The following RGS22 variants were observed in gnomAD, a reference collection of about 807,000 sequenced individuals.
RGS22 encodes the protein regulator of G-protein signaling 22.
A neutral mutation model predicts 172.9 loss-of-function variants in RGS22; 148 were observed. The observed-to-expected ratio is 0.86, with a 90% CI of 0.75 to 0.98. The LOEUF is 0.98. Among genes scored for constraint, RGS22 ranks in the 50% least tolerant of loss-of-function variants. The pLI is 0.00. For missense variants in RGS22, 1,347 were observed against 1,440.8 expected (o/e 0.93, Z 1.05); for synonymous variants, 458 against 480.2 (o/e 0.95, Z 0.60).
intron 23 of RGS22, among the ~76,000 whole-genome samples, chr8:99,970,605 A>G (rs113499143): frequency 0.088 from 13,450 of 152,266 alleles, 748 homozygotes; most frequent in African/African-American, 0.15. Flanking sequence ...AAATACCTCT[A>G]TGCAAATAAA....
Position 100,071,557 on chromosome 8 carries a change from C to T in RGS22, c.426-20G>A, listed in dbSNP as rs745779551. On this transcript the variant is annotated intron_variant, in intron 5 of 27. Coordinates refer to ENST00000360863, the MANE Select transcript of RGS22 (RefSeq NM_015668.5). The stretch of plus-strand genomic sequence containing the variant: ...GCTAACCTGCATTTTAGAAATCATA[C>T]AAATTTAAAACAAGTTTCAAATATG... 3.8e-5 allele frequency: 60 copies of T among 1,576,600 alleles called. 2 individuals carry two copies. In the South Asian group the frequency reaches 6.8e-4, roughly 18 times the overall value.
At chr8:99,976,463 G>A (rs1811953105) in intron 23 of RGS22, among the ~76,000 whole-genome samples, 2 of 152,070 alleles carry the variant, frequency 1.3e-5, no homozygotes, top group African/African-American at 2.4e-5. Flanking sequence ...CCGGGTTCAC[G>A]CCATTCTCCT....
chr8:100,070,275 A>G (rs1214294344), intron 6 of RGS22, among the ~76,000 whole-genome samples: 3 of 152,200 alleles, frequency 2.0e-5, no homozygotes, highest in Non-Finnish European at 1.5e-5. Context: ...TAAAATTTTT[A>G]TCAATCCTTT....
intron 14 of RGS22, among the ~76,000 whole-genome samples, chr8:100,031,982 C>T (rs1424783678): frequency 6.6e-6 from 1 of 152,022 alleles, no homozygotes; most frequent in African/African-American, 2.4e-5. Context: ...GATTTTGTCA[C>T]CACCAGGCCT....
At chr8:100,063,364 A>C (rs1054708007) in intron 8 of RGS22, 52 bp downstream of exon 8, 1 of 1,337,218 alleles carries the variant, frequency 7.5e-7, no homozygotes, top group African/African-American at 1.5e-5. Flanking sequence ...AACCCAAATT[A>C]ATATTCATAA....
chr8:100,012,006 A>G (rs1280624581), intron 14 of RGS22, among the ~76,000 whole-genome samples: 1 of 152,106 alleles, frequency 6.6e-6, no homozygotes, highest in Non-Finnish European at 1.5e-5. Flanking sequence ...CAGAGAGATA[A>G]GAGGTAAACC....
intron 23 of RGS22, among the ~76,000 whole-genome samples, chr8:99,969,305 C>T (rs1428496089): frequency 6.6e-6 from 1 of 152,130 alleles, no homozygotes; most frequent in African/African-American, 2.4e-5. Context: ...ATGGAAAGAC[C>T]AATGACACTA....
intron 6 of RGS22, among the ~76,000 whole-genome samples, chr8:100,067,721 T>A (rs1050062908): frequency 1.3e-5 from 2 of 149,464 alleles, no homozygotes; most frequent in African/African-American, 4.9e-5. Flanking sequence ...GCCTACTGGG[T>A]TCAAGCAATT....
intron 14 of RGS22, among the ~76,000 whole-genome samples, chr8:100,025,521 G>A (rs1489415827): frequency 6.6e-6 from 1 of 152,292 alleles, no homozygotes; most frequent in South Asian, 2.1e-4. Context: ...CTGCTGAATA[G>A]AGAAATAATG....
intron 2 of RGS22, among the ~76,000 whole-genome samples, chr8:100,104,324 A>ATG (rs1461195510): frequency 5.9e-5 from 7 of 119,442 alleles, no homozygotes; most frequent in African/African-American, 1.8e-4. Context: ...GTCTCAAAAT[A>ATG]TGTGCGTGTG....
intron 3 of RGS22, among the ~76,000 whole-genome samples, chr8:100,082,389 C>G (rs945968937): frequency 6.6e-6 from 1 of 152,182 alleles, no homozygotes; most frequent in Admixed American, 6.5e-5. Flanking sequence ...TCTCCATCCT[C>G]AAGTAGGCCC....
At chr8:99,979,133 C>T (rs973965352) in intron 22 of RGS22, among the ~76,000 whole-genome samples, 2 of 151,974 alleles carry the variant, frequency 1.3e-5, no homozygotes, top group Admixed American at 6.6e-5. Context: ...TTACATTTAC[C>T]TGCCATACAT....
At chr8:99,973,869 A>G (rs1474182413) in intron 23 of RGS22, among the ~76,000 whole-genome samples, 1 of 116,872 alleles carries the variant, frequency 8.6e-6, no homozygotes, top group Non-Finnish European at 1.8e-5. Context: ...ACTCCATCTC[A>G]AAAAAAAAAA....
intron 22 of RGS22, among the ~76,000 whole-genome samples, chr8:99,980,231 A>G (rs6468702): frequency 1 from 151,952 of 152,274 alleles, 75,821 homozygotes; most frequent in Middle Eastern, 1. Flanking sequence ...AGTGTGCTGC[A>G]CCGGAATTGA....
intron 12 of RGS22, 70 bp downstream of exon 12, chr8:100,041,732 T>A: frequency 1.2e-6 from 1 of 826,006 alleles, no homozygotes; most frequent in Non-Finnish European, 2.0e-6. Context: ...TCAATACAAA[T>A]TCTCTAAAAT....
chr8:100,070,576 T>C (rs1386326077), intron 6 of RGS22, among the ~76,000 whole-genome samples: 1 of 152,216 alleles, frequency 6.6e-6, no homozygotes, highest in Non-Finnish European at 1.5e-5. Context: ...TTTGGGTATA[T>C]GTCATTATAG....
intron 2 of RGS22, among the ~76,000 whole-genome samples, chr8:100,105,119 A>C (rs542338484): frequency 6.6e-6 from 1 of 152,370 alleles, no homozygotes; most frequent in Non-Finnish European, 1.5e-5. Flanking sequence ...AGTTTAGAGA[A>C]ATTAAATGAG....
chr8:100,025,017 T>TAAAC (rs1563631761), intron 14 of RGS22, among the ~76,000 whole-genome samples: 1 of 151,376 alleles, frequency 6.6e-6, no homozygotes, highest in East Asian at 1.9e-4. Context: ...AATAAATAAA[T>TAAAC]AAATAAATAA....
intron 23 of RGS22, among the ~76,000 whole-genome samples, chr8:99,969,110 T>C (rs984700962): frequency 6.6e-6 from 1 of 152,090 alleles, no homozygotes; most frequent in Non-Finnish European, 1.5e-5. Flanking sequence ...AAGAAAATAA[T>C]TTTCAACTCA....
Sources: gnomAD v4.1 joint callset for allele counts (sites outside exome capture counted in the v4.1 genomes callset) on GRCh38, gnomAD v4.1.1 for gene constraint, MANE v1.5 for transcripts, NCBI Gene and HGNC (gene_info 2026-07-23, HGNC 2026-07-21) for gene names.